NLGN1: variants seen among roughly 807,000 people sequenced by gnomAD.
NLGN1 encodes neuroligin 1, also known as neuroligin-1.
A neutral mutation model predicts 65.5 loss-of-function variants in NLGN1; 12 were observed. That is an observed-to-expected ratio of 0.18 (90% CI 0.12 to 0.30). The LOEUF (loss-of-function observed/expected upper bound fraction) is 0.30, where lower values mean the gene tolerates loss of function less well. NLGN1 is among the 10% of genes least tolerant of loss of function. The pLI is 1.00. For synonymous variants in NLGN1, 350 were observed against 359.5 expected, an observed-to-expected ratio of 0.97 and a Z score of 0.30; for missense variants, 750 against 1,007.1, an observed-to-expected ratio of 0.74 and a Z score of 3.46.
intron 2 of NLGN1, among the ~76,000 whole-genome samples, chr3:173,449,848 G>A (rs952311801): frequency 3.9e-5 from 6 of 152,046 alleles, no homozygotes; most frequent in Non-Finnish European, 7.4e-5. Context: ...ATCTTTGTTG[G>A]TTTAAAGTCT....
At chr3:173,694,158 G>T (rs1276968824) in intron 3 of NLGN1, among the ~76,000 whole-genome samples, 1 of 152,100 alleles carries the variant, frequency 6.6e-6, no homozygotes, top group Admixed American at 6.6e-5. Flanking sequence ...GCTGGTCAAA[G>T]TTGTGAAACT....
At chr3:173,879,139 G>A (rs1168262851) in intron 4 of NLGN1, among the ~76,000 whole-genome samples, 3 of 151,994 alleles carry the variant, frequency 2.0e-5, no homozygotes, top group African/African-American at 7.3e-5. Flanking sequence ...AGCTGAGATA[G>A]GAGAATTGCT....
chr3:173,901,710 G>A (rs1737413743), intron 4 of NLGN1, among the ~76,000 whole-genome samples: 1 of 151,988 alleles, frequency 6.6e-6, no homozygotes, highest in Non-Finnish European at 1.5e-5. Context: ...ATTGGGAAAT[G>A]ATCTGAATTT....
intron 3 of NLGN1, among the ~76,000 whole-genome samples, chr3:173,640,525 A>G (rs1268406156): frequency 6.6e-6 from 1 of 152,164 alleles, no homozygotes; most frequent in Non-Finnish European, 1.5e-5. Flanking sequence ...ATGAATAATG[A>G]CTTTCACCGT....
intron 4 of NLGN1, among the ~76,000 whole-genome samples, chr3:173,883,704 C>T (rs1225186695): frequency 2.0e-5 from 3 of 152,006 alleles, no homozygotes; most frequent in South Asian, 2.1e-4. Context: ...TGATTTAAAT[C>T]CCTGTACTAT....
intron 2 of NLGN1, among the ~76,000 whole-genome samples, chr3:173,497,470 C>T (rs1481076633): frequency 1.3e-5 from 2 of 151,774 alleles, no homozygotes; most frequent in East Asian, 3.9e-4. Flanking sequence ...CTAGCATTAT[C>T]AGCTCACAAG....
intron 4 of NLGN1, among the ~76,000 whole-genome samples, chr3:173,935,622 ACT>A (rs72137673): frequency 0.025 from 2,654 of 107,676 alleles, 21 homozygotes; most frequent in Middle Eastern, 0.056. Context: ...ACACACACAC[ACT>A]CTCTCTCTCT....
At chr3:174,057,775 T>C (rs1245204535) in intron 4 of NLGN1, 1 of 152,068 alleles carries the variant, frequency 6.6e-6, no homozygotes, top group African/African-American at 2.4e-5. Flanking sequence ...AAGAATGCCC[T>C]TATAAGGAGC....
At chr3:174,292,933 A>C in the NLGN1 span, among the ~76,000 whole-genome samples, 7 of 151,466 alleles carry the variant, frequency 4.6e-5, no homozygotes, top group Non-Finnish European at 1.0e-4. Flanking sequence ...TACATCAAAG[A>C]AGCATGTTAA....
intron 4 of NLGN1, among the ~76,000 whole-genome samples, chr3:173,984,635 T>A (rs1343139897): frequency 1.3e-5 from 2 of 152,196 alleles, no homozygotes; most frequent in Non-Finnish European, 1.5e-5. Flanking sequence ...ACTTATCTAA[T>A]CACAGCATTT....
chr3:173,968,944 G>A (rs907986617), intron 4 of NLGN1, among the ~76,000 whole-genome samples: 39 of 150,966 alleles, frequency 2.6e-4, no homozygotes, highest in African/African-American at 9.0e-4. Flanking sequence ...CAAATGATCC[G>A]CCCACCTCAA....
At chr3:173,768,556 T>A (rs1227852957) in intron 3 of NLGN1, among the ~76,000 whole-genome samples, 1 of 152,176 alleles carries the variant, frequency 6.6e-6, no homozygotes, top group Admixed American at 6.5e-5. Flanking sequence ...ACCTTATGTA[T>A]CACATATGCC....
At chr3:174,040,564 C>T (rs1234510915) in intron 4 of NLGN1, among the ~76,000 whole-genome samples, 1 of 151,916 alleles carries the variant, frequency 6.6e-6, no homozygotes, top group East Asian at 1.9e-4. Context: ...CATTTCTGCT[C>T]ATTAGAGGAC....
At chr3:174,242,250 C>G (rs1289161317) in intron 4 of NLGN1, among the ~76,000 whole-genome samples, 1 of 151,850 alleles carries the variant, frequency 6.6e-6, no homozygotes, top group Non-Finnish European at 1.5e-5. Context: ...CCCCATCCCC[C>G]AGGCCATGGA....
chr3:173,843,818 A>G (rs1348548690), intron 4 of NLGN1, among the ~76,000 whole-genome samples: 3 of 152,214 alleles, frequency 2.0e-5, no homozygotes, highest in East Asian at 1.9e-4. Context: ...ACCTCTGCCT[A>G]TTACCCAATT....
chr3:174,098,595 A>G (rs893510744), intron 4 of NLGN1, among the ~76,000 whole-genome samples: 1 of 152,122 alleles, frequency 6.6e-6, no homozygotes, highest in Non-Finnish European at 1.5e-5. Context: ...TGATTTCACT[A>G]GAGTATAGAA....
At chr3:173,608,664 T>C (rs946132137) in intron 3 of NLGN1, among the ~76,000 whole-genome samples, 2 of 151,866 alleles carry the variant, frequency 1.3e-5, no homozygotes, top group Non-Finnish European at 2.9e-5. Context: ...TTTTTTACAT[T>C]AGATAGATTT....
At chr3:173,781,335 A>G (rs561321817) in intron 3 of NLGN1, among the ~76,000 whole-genome samples, 1 of 152,214 alleles carries the variant, frequency 6.6e-6, no homozygotes, top group South Asian at 2.1e-4. Flanking sequence ...TGCAAATAGG[A>G]TGATACTTTT....
intron 4 of NLGN1, among the ~76,000 whole-genome samples, chr3:173,995,461 A>G (rs949904232): frequency 3.3e-5 from 5 of 152,150 alleles, no homozygotes; most frequent in African/African-American, 1.2e-4. Flanking sequence ...TTTAAAAAGG[A>G]GACTGAGCTG....
Sources: gnomAD v4.1 joint callset for allele counts (sites outside exome capture counted in the v4.1 genomes callset) on GRCh38, gnomAD v4.1.1 for gene constraint, MANE v1.5 for transcripts, NCBI Gene and HGNC (gene_info 2026-07-23, HGNC 2026-07-21) for gene names.